Variants in GABBR2 observed in about 807,000 individuals in gnomAD.
GABBR2 encodes G-protein coupled receptor 51.
Under a neutral mutation model 105.6 loss-of-function variants are expected in GABBR2, and 23 were observed. That is an observed-to-expected ratio of 0.22 (90% CI 0.16 to 0.31). The LOEUF (loss-of-function observed/expected upper bound fraction) is 0.31. GABBR2 is among the 10% of genes least tolerant of loss of function. The pLI is 1.00. For missense variants in GABBR2, 734 were observed against 1,245.5 expected, an observed-to-expected ratio of 0.59 and a Z score of 6.18; for synonymous variants, 478 against 499.7, an observed-to-expected ratio of 0.96 and a Z score of 0.58.
At position 98,311,179 on chromosome 9, in the gene GABBR2, G is replaced by GGAGA. The variant is rs750826074; in HGVS notation, c.1916_1919dup (p.Ile641LeufsTer10). On this transcript the variant is annotated frameshift_variant, in exon 14 of 19. Coordinates refer to ENST00000259455, the MANE Select transcript of GABBR2 (RefSeq NM_005458.8). LOFTEE classifies it high-confidence loss of function. ...CACAGTGCTCCAGGAGAGGGCGGAT[G>GGAGA]GAGATATCCCGTCCTGCTGGGTCCG... 1 of 1,613,280 alleles carries GGAGA rather than the reference G, an allele frequency of 6.2e-7. No individual in the cohort carries two copies. Among genetic ancestry groups the GGAGA allele is most frequent in the Non-Finnish European group, 8.5e-7 (1 of 1,179,232 alleles).
intron 1 of GABBR2, among the ~76,000 whole-genome samples, chr9:98,611,156 T>TG (rs1829500208): frequency 6.6e-6 from 1 of 152,062 alleles, no homozygotes; most frequent in African/African-American, 2.4e-5. Context: ...CACCCAACAA[T>TG]GGGCTCCTCA....
rs1261576843 is a variant in GABBR2, at chr9:98,538,655, G to A, written c.630+3218C>T. Reference sequence around the variant, plus strand: ...TCCTAATGCCACAGTAATAAGCTCCGTGGGAGTAAAGCCCCTCCACCACCC... The same window carrying A: ...TCCTAATGCCACAGTAATAAGCTCCATGGGAGTAAAGCCCCTCCACCACCC... On this transcript the variant is annotated intron_variant, in intron 3 of 18. Coordinates refer to ENST00000259455, the MANE Select transcript of GABBR2 (RefSeq NM_005458.8). 12 of 954,080 alleles carry A rather than the reference G, an allele frequency of 1.3e-5. No homozygotes were observed. The South Asian group carries it at 2.4e-4, about 19-fold the overall frequency. 59.1% of individuals were successfully genotyped at this position (954,080 alleles called of 1,614,324 possible).
At chr9:98,625,819 G>A (rs1183078450) in intron 1 of GABBR2, among the ~76,000 whole-genome samples, 3 of 152,212 alleles carry the variant, frequency 2.0e-5, no homozygotes, top group Non-Finnish European at 4.4e-5. Context: ...AGCACCTCAA[G>A]AAGCAGGGAC....
At chr9:98,582,073 C>T (rs567850482) in intron 1 of GABBR2, among the ~76,000 whole-genome samples, 4 of 152,210 alleles carry the variant, frequency 2.6e-5, no homozygotes, top group Admixed American at 6.5e-5. Context: ...AAGTTTTGGC[C>T]CCATTGACCT....
chr9:98,423,426 C>A (rs1012288020), intron 7 of GABBR2, among the ~76,000 whole-genome samples: 12 of 152,296 alleles, frequency 7.9e-5, no homozygotes, highest in African/African-American at 2.4e-4. Flanking sequence ...AGTGTCTGTT[C>A]ATAACCTTTG....
intron 13 of GABBR2, among the ~76,000 whole-genome samples, chr9:98,330,530 G>A (rs189002614): frequency 2.6e-5 from 4 of 152,206 alleles, no homozygotes; most frequent in Admixed American, 6.5e-5. Flanking sequence ...ACTTGCAACC[G>A]ACAACATCTA....
At chr9:98,481,511 T>C (rs1360749691) in intron 4 of GABBR2, among the ~76,000 whole-genome samples, 3 of 152,212 alleles carry the variant, frequency 2.0e-5, no homozygotes, top group African/African-American at 7.2e-5. Context: ...TTCCTGATAG[T>C]TAATCCCTCA....
At chr9:98,660,623 G>A (rs189127204) in intron 1 of GABBR2, among the ~76,000 whole-genome samples, 4 of 152,222 alleles carry the variant, frequency 2.6e-5, no homozygotes, top group Admixed American at 6.5e-5. Flanking sequence ...CTATTTTATC[G>A]TTCTGGAAAT....
intron 1 of GABBR2, among the ~76,000 whole-genome samples, chr9:98,601,342 C>T (rs190269714): frequency 1.3e-5 from 2 of 152,104 alleles, no homozygotes; most frequent in Non-Finnish European, 2.9e-5. Flanking sequence ...CACAGCAAGA[C>T]CTCATCTCTA....
intron 13 of GABBR2, among the ~76,000 whole-genome samples, chr9:98,344,229 C>T (rs895996804): frequency 6.6e-6 from 1 of 152,134 alleles, no homozygotes; most frequent in Non-Finnish European, 1.5e-5. Context: ...TCTGAGTTCC[C>T]ATCTCCAGCC....
intron 3 of GABBR2, among the ~76,000 whole-genome samples, chr9:98,526,779 G>T (rs1178344303): frequency 6.6e-6 from 1 of 152,070 alleles, no homozygotes; most frequent in Non-Finnish European, 1.5e-5. Context: ...ACTATAATTT[G>T]TCACACTAAT....
chr9:98,325,154 T>C (rs924118754), intron 13 of GABBR2, among the ~76,000 whole-genome samples: 2 of 152,216 alleles, frequency 1.3e-5, no homozygotes, highest in African/African-American at 2.4e-5. Flanking sequence ...AGTTCATTTA[T>C]GGTTAGATTG....
At chr9:98,455,997 A>G (rs1826319388) in intron 6 of GABBR2, among the ~76,000 whole-genome samples, 1 of 152,126 alleles carries the variant, frequency 6.6e-6, no homozygotes, top group South Asian at 2.1e-4. Context: ...TCATCACTCA[A>G]GATACACAGT....
In GABBR2 at chr9:98,343,230, T is replaced by C. The variant is rs543910074; in HGVS notation, c.1893+19485A>G. On this transcript the variant is annotated intron_variant, in intron 13 of 18. Transcript: ENST00000259455. ...GGCCAGAAAGCCACAGAAGCTAGAG[T>C]GTAGGGAATTCCTGACATAGGTTGC... 5.9e-5 allele frequency among the ~76,000 whole-genome samples: 9 copies of C among 152,196 alleles called. No homozygotes were observed. In the East Asian group the frequency reaches 1.7e-3, roughly 29 times the overall value.
chr9:98,625,532 C>T (rs1829725910), intron 1 of GABBR2, among the ~76,000 whole-genome samples: 1 of 152,170 alleles, frequency 6.6e-6, no homozygotes, highest in African/African-American at 2.4e-5. Context: ...CCCTGAGCCT[C>T]TTCTCTGGGA....
chr9:98,541,239 A>G (rs1394257326), intron 3 of GABBR2, among the ~76,000 whole-genome samples: 1 of 152,236 alleles, frequency 6.6e-6, no homozygotes, highest in Non-Finnish European at 1.5e-5. Context: ...AATACATTGA[A>G]AAAGTTCTAG....
chr9:98,573,249 A>T (rs1457062613), intron 2 of GABBR2, among the ~76,000 whole-genome samples: 3 of 152,212 alleles, frequency 2.0e-5, no homozygotes, highest in Non-Finnish European at 1.5e-5. Context: ...GATATGGAAG[A>T]CTGGCATATA....
intron 3 of GABBR2, among the ~76,000 whole-genome samples, chr9:98,504,616 A>G (rs1427383356): frequency 6.6e-6 from 1 of 152,216 alleles, no homozygotes; most frequent in Non-Finnish European, 1.5e-5. Flanking sequence ...TTGTCATTCA[A>G]ATGCACTTGC....
chr9:98,463,816 G>A (rs1462877964), intron 6 of GABBR2, among the ~76,000 whole-genome samples: 1 of 152,130 alleles, frequency 6.6e-6, no homozygotes, highest in Non-Finnish European at 1.5e-5. Context: ...TTGTATTTTT[G>A]GTGGAGACGG....
Sources: gnomAD v4.1 joint callset for allele counts (sites outside exome capture counted in the v4.1 genomes callset) on GRCh38, gnomAD v4.1.1 for gene constraint, MANE v1.5 for transcripts, NCBI Gene and HGNC (gene_info 2026-07-23, HGNC 2026-07-21) for gene names.